The following ASCC3 variants were observed in gnomAD, a reference collection of about 807,000 sequenced individuals.
ASCC3 encodes activating signal cointegrator 1 complex subunit 3.
ASCC3 carries 158 observed loss-of-function variants against 256.3 expected under a neutral mutation model. The ratio of observed to expected loss-of-function variants is 0.62; its 90% CI spans 0.54 to 0.70. ASCC3 has a LOEUF of 0.70. Ranked by LOEUF, ASCC3 falls within the 30% of genes least tolerant of loss-of-function variation. The pLI is 0.00. For synonymous variants in ASCC3, 948 were observed against 883.4 expected (o/e 1.07, Z -1.30); for missense variants, 2,259 against 2,626.0 (o/e 0.86, Z 3.05).
chr6:100,680,245 C>A (rs567686775), intron 13 of ASCC3, among the ~76,000 whole-genome samples: 8 of 152,082 alleles, frequency 5.3e-5, no homozygotes, highest in Non-Finnish European at 1.2e-4. Flanking sequence ...TGTAGAAGTA[C>A]CTAGAATTCT....
At chr6:100,528,139 T>C (rs929426544) in intron 37 of ASCC3, among the ~76,000 whole-genome samples, 3 of 152,142 alleles carry the variant, frequency 2.0e-5, no homozygotes, top group Non-Finnish European at 4.4e-5. Flanking sequence ...ACTTGGCCCA[T>C]ACATATCTTA....
chr6:100,629,017 A>C lies in ASCC3; in HGVS notation c.4373T>G (p.Leu1458Arg). Residue 1458 changes from leucine to arginine, a missense_variant and splice_region_variant, in exon 27 of 42, where the codon CTT becomes CGT. Physicochemically the swap from Leu to Arg is moderately radical, Grantham distance 102 (BLOSUM62 -2). Coordinates refer to ENST00000369162, the MANE Select transcript of ASCC3 (RefSeq NM_006828.4). Reference protein sequence around the residue: ...TILIIDEIHLLGEERGPVLEV... With the variant: ...TILIIDEIHLRGEERGPVLEV... ...GCTTTAGATACAGTGGTACCTACCA[A>C]GCAGATGGATCTCATCTATGATGAG... 6.2e-7 allele frequency: 1 copy of C among 1,612,814 alleles called. No homozygotes were observed. Among genetic ancestry groups the C allele is most frequent in the Non-Finnish European group, 8.5e-7 (1 of 1,179,570 alleles).
At chr6:100,723,258 T>C (rs1195425097) in intron 11 of ASCC3, among the ~76,000 whole-genome samples, 1 of 151,802 alleles carries the variant, frequency 6.6e-6, no homozygotes, top group Non-Finnish European at 1.5e-5. Flanking sequence ...CAAGTTGTTT[T>C]ATGTGTTGCA....
intron 2 of ASCC3, among the ~76,000 whole-genome samples, chr6:100,865,953 C>CATTTATTT (rs59777780): frequency 0.2 from 29,502 of 148,738 alleles, 3,189 homozygotes; most frequent in East Asian, 0.42. Flanking sequence ...TAAATAATTT[C>CATTTATTT]ATTTATTTAT....
intron 5 of ASCC3, among the ~76,000 whole-genome samples, chr6:100,800,852 C>T (rs1455678564): frequency 1.3e-5 from 2 of 151,114 alleles, no homozygotes; most frequent in South Asian, 2.1e-4. Flanking sequence ...TAATAATTAT[C>T]GATAATAATT....
At chr6:100,639,699 C>A (rs985010387) in intron 24 of ASCC3, among the ~76,000 whole-genome samples, 5 of 152,050 alleles carry the variant, frequency 3.3e-5, no homozygotes, top group Non-Finnish European at 5.9e-5. Context: ...CTTTAAAAGT[C>A]AAAAAATTAA....
At chr6:100,797,822 A>G (rs1313626738) in intron 8 of ASCC3, among the ~76,000 whole-genome samples, 1 of 152,208 alleles carries the variant, frequency 6.6e-6, no homozygotes, top group Non-Finnish European at 1.5e-5. Context: ...ACTTAAAACT[A>G]TAAGTTATTT....
At chr6:100,551,914 G>A (rs1046952309) in intron 36 of ASCC3, among the ~76,000 whole-genome samples, 1 of 151,836 alleles carries the variant, frequency 6.6e-6, no homozygotes, top group Non-Finnish European at 1.5e-5. Flanking sequence ...TCTAGGGTGG[G>A]CATGGTGTGG....
intron 13 of ASCC3, among the ~76,000 whole-genome samples, chr6:100,684,201 G>C (rs1777447468): frequency 1.3e-5 from 2 of 152,202 alleles, no homozygotes; most frequent in Non-Finnish European, 2.9e-5. Context: ...ATATCAGTGT[G>C]AGTTAGAATA....
At chr6:100,864,273 C>G in intron 2 of ASCC3, 59 bp from the exon 3 acceptor site, 2 of 1,396,760 alleles carry the variant, frequency 1.4e-6, no homozygotes, top group Non-Finnish European at 2.0e-6. Context: ...AACTCCAACG[C>G]TGATTACATA....
At chr6:100,753,613 A>C (rs936966611) in intron 10 of ASCC3, among the ~76,000 whole-genome samples, 4 of 152,066 alleles carry the variant, frequency 2.6e-5, no homozygotes, top group Non-Finnish European at 5.9e-5. Context: ...CCCGGGCTTA[A>C]GTGATCCTCC....
intron 36 of ASCC3, among the ~76,000 whole-genome samples, chr6:100,554,847 T>A (rs1259185377): frequency 6.6e-6 from 1 of 152,114 alleles, no homozygotes; most frequent in African/African-American, 2.4e-5. Context: ...TTATCTTTAT[T>A]TCTTCAGATA....
At position 100,718,093 on chromosome 6, in the gene ASCC3, C is replaced by T. The variant is rs760502614; in HGVS notation, c.2061G>A (p.Gly687=). The T allele has an allele frequency of 8.7e-6, 14 of 1,613,206 alleles. No homozygotes were observed. Among genetic ancestry groups the T allele is most frequent in the Non-Finnish European group, 1.2e-5 (14 of 1,179,548 alleles). The change falls in exon 12 of 42, where the codon GGG becomes GGA. Residue 687 remains glycine (G), a synonymous_variant. Coordinates refer to ENST00000369162, the MANE Select transcript of ASCC3 (RefSeq NM_006828.4). ...TATTTACCTTATTTGCACATTTAATCCCCAAAAATGTCTGTCCAAGAGGTA... is the reference window on the plus strand; with the variant it reads ...TATTTACCTTATTTGCACATTTAATTCCCAAAAATGTCTGTCCAAGAGGTA... ...RPVPLGQTFL[G]IKCANKMQQL... is the part of the protein sequence containing the mutation.
intron 10 of ASCC3, among the ~76,000 whole-genome samples, chr6:100,742,983 T>C (rs1382404119): frequency 3.9e-5 from 6 of 152,188 alleles, no homozygotes; most frequent in African/African-American, 9.6e-5. Flanking sequence ...CTCGAGGCCA[T>C]ACTATGCAAA....
At chr6:100,741,774 CTCTCGTACTGTTTTA>C (rs1391653092) in intron 10 of ASCC3, among the ~76,000 whole-genome samples, 1 of 152,144 alleles carries the variant, frequency 6.6e-6, no homozygotes, top group Middle Eastern at 3.2e-3. Flanking sequence ...TGGCTGTCAG[CTCTCGTACTGTTTTA>C]TCTTGATTCT....
rs1467822802 is a variant in ASCC3 at position 100,508,270 on chromosome 6, A to G, written c.*1116T>C. The G allele has an allele frequency of 2.6e-5, 4 of 152,208 alleles. No individual in the cohort carries two copies. Among genetic ancestry groups the G allele is most frequent in the Non-Finnish European group, 5.9e-5 (4 of 68,016 alleles). 9.4% of individuals were successfully genotyped at this position (152,208 alleles called of 1,614,324 possible). On this transcript the variant is annotated 3_prime_UTR_variant, in exon 42 of 42. Transcript: ENST00000369162. ...ATACATTCCAATTTCAGAAACACTT[A>G]AATTCTAGTATTTGTAACAATGACA...
At chr6:100,559,657 C>T (rs188365002) in intron 36 of ASCC3, among the ~76,000 whole-genome samples, 3 of 152,068 alleles carry the variant, frequency 2.0e-5, no homozygotes, top group Non-Finnish European at 4.4e-5. Flanking sequence ...TAAGACCAAC[C>T]TGGTCAACAT....
intron 36 of ASCC3, among the ~76,000 whole-genome samples, chr6:100,587,536 A>C (rs1489909332): frequency 1.3e-5 from 2 of 152,184 alleles, no homozygotes; most frequent in Non-Finnish European, 2.9e-5. Flanking sequence ...ACCCTCATTG[A>C]GATAATACAG....
chr6:100,625,872 A>C (rs1378860422), intron 29 of ASCC3, among the ~76,000 whole-genome samples: 1 of 152,104 alleles, frequency 6.6e-6, no homozygotes, highest in Non-Finnish European at 1.5e-5. Context: ...AAACAGGTTA[A>C]GAGATAAATC....
Sources: allele counts gnomAD v4.1 joint callset (sites outside exome capture counted in the v4.1 genomes callset), GRCh38; gene constraint gnomAD v4.1.1; transcripts MANE v1.5; gene names NCBI Gene and HGNC (gene_info 2026-07-23, HGNC 2026-07-21).